The following BMX variants were observed in gnomAD, a reference collection of about 807,000 sequenced individuals.
BMX encodes BMX non-receptor tyrosine kinase, also known as cytoplasmic tyrosine-protein kinase BMX.
Under a neutral mutation model 59.2 loss-of-function variants are expected in BMX, and 31 were observed. The ratio of observed to expected loss-of-function variants is 0.52; its 90% CI spans 0.39 to 0.71. The LOEUF (loss-of-function observed/expected upper bound fraction) is 0.71. BMX is among the 30% of genes least tolerant of loss of function. The pLI, the probability that BMX is intolerant of heterozygous loss-of-function variation, is 0.00. For synonymous variants in BMX, 185 were observed against 181.0 expected (o/e 1.02, Z -0.18); for missense variants, 474 against 491.7 (o/e 0.96, Z 0.34).
intron 10 of BMX, among the ~76,000 whole-genome samples, chrX:15,530,417 A>G (rs188513819): frequency 2.7e-5 from 3 of 111,794 alleles, no homozygotes; most frequent in East Asian, 5.7e-4. Flanking sequence ...TTCTTCCCCA[A>G]GCAGTCTCTC....
chrX:15,509,422 T>G lies in BMX; in HGVS notation c.232T>G (p.Tyr78Asp). The change falls in exon 3 of 19, where the codon TAC becomes GAC. Residue 78 changes from tyrosine to aspartate, a missense_variant. Physicochemically the swap from Tyr to Asp is radical, Grantham distance 160. Transcript: ENST00000348343. ...LEEQTPVERQYPFQIVYKDGL... is the reference protein window; with the variant it reads ...LEEQTPVERQDPFQIVYKDGL... ...GGAGCAGACGCCTGTAGAGAGACAG[T>G]ACCCATTTCAGGTAAAGGGAAGAAC... The G allele has an allele frequency of 8.4e-7, 1 of 1,194,628 alleles. No individual in the cohort carries two copies. Among genetic ancestry groups the G allele is most frequent in the Non-Finnish European group, 1.1e-6 (1 of 883,378 alleles).
At position 15,534,212 on chromosome X, in the gene BMX, T is replaced by G. The variant is rs1601651847; in HGVS notation, c.1020T>G (p.Asn340Lys). Reference sequence around the variant, plus strand: ...GTTCTAACATTCTTTCTGTTACTAGTGATAAAAAAGGAACTGTCAAACATT... The same window carrying G: ...GTTCTAACATTCTTTCTGTTACTAGGGATAAAAAAGGAACTGTCAAACATT... ...YTVSLFSKAV[N>K]DKKGTVKHYH... Residue 340 changes from asparagine (N) to lysine (K), a missense_variant and splice_region_variant, in exon 12 of 19, where the codon AAT becomes AAG. Physicochemically the swap from Asn to Lys is moderately conservative, Grantham distance 94. Coordinates refer to ENST00000348343, the MANE Select transcript of BMX (RefSeq NM_203281.3). The G allele has an allele frequency of 8.7e-7, 1 of 1,153,515 alleles. No homozygotes were observed. The highest frequency in any genetic ancestry group is 1.8e-5 in the African/African-American group (1 of 55,064).
intron 1 of BMX, among the ~76,000 whole-genome samples, chrX:15,505,964 C>T (rs892467947): frequency 9.9e-5 from 11 of 111,179 alleles, no homozygotes; most frequent in African/African-American, 3.3e-4. Context: ...GGGTCTCACT[C>T]TATCGCCCAG....
chrX:15,526,166 A>T (rs1293778473), intron 9 of BMX, 71 bp downstream of exon 9: 6 of 952,864 alleles, frequency 6.3e-6, no homozygotes, highest in Non-Finnish European at 8.8e-6. Flanking sequence ...CCTCAAAGAC[A>T]TTAAAACAGA....
intron 6 of BMX, 103 bp from the exon 7 acceptor site, chrX:15,522,243 C>T: frequency 9.8e-7 from 1 of 1,021,148 alleles, no homozygotes; most frequent in Non-Finnish European, 1.3e-6. Context: ...CCCTTCTCTC[C>T]TTCCTTTCTC....
Position 15,542,759 on chromosome X carries a change from G to A in BMX, c.1612-312G>A, listed in dbSNP as rs189776051. On this transcript the variant is annotated intron_variant, in intron 15 of 18. Transcript: ENST00000348343. ...GCCTTCAAAGCATCTGTGAATGCACGGTATCTGGTGGTGGAAAGGGAGATT... is the reference window on the plus strand; with the variant it reads ...GCCTTCAAAGCATCTGTGAATGCACAGTATCTGGTGGTGGAAAGGGAGATT... 2.7e-5 allele frequency among the ~76,000 whole-genome samples: 3 copies of A among 111,714 alleles called. No homozygotes were observed. In the Admixed American group the frequency reaches 2.9e-4, roughly 11 times the overall value.
chrX:15,550,665 T>TACACACACACACACACAC (rs58905214), intron 18 of BMX, among the ~76,000 whole-genome samples: 1 of 86,755 alleles, frequency 1.2e-5, no homozygotes, highest in African/African-American at 4.3e-5. Flanking sequence ...TCAAAGTCTT[T>TACACACACACACACACAC]ACACACACAC....
In BMX at chrX:15,530,026, A is replaced by G; in HGVS notation, c.938A>G (p.Lys313Arg). The G allele has an allele frequency of 8.3e-7, 1 of 1,205,157 alleles. No individual in the cohort carries two copies. The highest frequency in any genetic ancestry group is 1.1e-6 in the Non-Finnish European group (1 of 890,261). The change falls in exon 10 of 19, where the codon AAG becomes AGG. Residue 313 changes from lysine to arginine, a missense_variant and splice_region_variant. Physicochemically the swap from Lys to Arg is conservative, Grantham distance 26. Transcript: ENST00000348343. ...RSQSEQLLRQ[K>R]GKEGAFMVRN... is the part of the protein sequence containing the mutation. The stretch of plus-strand genomic sequence containing the variant: ...CAATCTGAACAGTTACTCAGACAAA[A>G]GGTAAATAGTCTTGTCTTTAAAACA...
Position 15,556,224 on chromosome X carries a change from A to T in BMX, c.*77A>T. 1.1e-6 allele frequency: 1 copy of T among 937,027 alleles called. No homozygotes were observed. The highest frequency in any genetic ancestry group is 1.5e-6 in the Non-Finnish European group (1 of 678,409). 77.2% of individuals were successfully genotyped at this position (937,027 alleles called of 1,213,427 possible). A position where few individuals can be genotyped will look rare whatever the true frequency, so the allele number is the denominator to read the frequency against. ...TTCATTCATTTTAAGGAAAGTAGCA[A>T]GGCATAATGTAATTTAGCTAGTTTT... On this transcript the variant is annotated 3_prime_UTR_variant, in exon 19 of 19. Coordinates refer to ENST00000348343, the MANE Select transcript of BMX (RefSeq NM_203281.3).
At chrX:15,552,475 G>A (rs1030305598) in intron 18 of BMX, among the ~76,000 whole-genome samples, 1 of 112,350 alleles carries the variant, frequency 8.9e-6, no homozygotes, top group African/African-American at 3.2e-5. Flanking sequence ...GAAGACATAA[G>A]TGTTGTGATT....
chrX:15,534,243 G>A lies in BMX; in HGVS notation c.1051G>A (p.Val351Met), dbSNP rs1013910902. The change falls in exon 12 of 19, where the codon GTG (valine) becomes ATG (methionine). Residue 351 changes from valine (V) to methionine (M), a missense_variant. By Grantham distance (21) the Val-to-Met change is conservative. Transcript: ENST00000348343. ...AAAAGGAACTGTCAAACATTACCAC[G>A]TGCATACAAATGCTGAGAACAAATT... is the stretch of plus-strand genomic sequence containing the variant. ...DKKGTVKHYH[V>M]HTNAENKLYL... 1.7e-5 allele frequency: 20 copies of A among 1,176,782 alleles called. No individual in the cohort carries two copies. Among genetic ancestry groups the A allele is most frequent in the Admixed American group, 2.4e-5 (1 of 42,286 alleles).
Position 15,531,148 on chromosome X carries a change from T to TCATACA in BMX, c.940-163_940-158dup, listed in dbSNP as rs201731366. ...TAAATATTAATTGGAGAGGAAGAGT[T>TCATACA]CATACACATACACATACACATAGAG... On this transcript the variant is annotated intron_variant, in intron 10 of 18. Transcript: ENST00000348343. Among the ~76,000 whole-genome samples, 400 of 109,996 alleles carry TCATACA rather than the reference T, an allele frequency of 3.6e-3. 1 individual carries two copies. Among genetic ancestry groups the TCATACA allele is most frequent in the African/African-American group, 0.013 (383 of 30,136 alleles).
intron 3 of BMX, 148 bp from the exon 4 acceptor site, chrX:15,511,289 A>T: frequency 2.4e-6 from 1 of 415,160 alleles, no homozygotes; most frequent in Non-Finnish European, 4.1e-6. Flanking sequence ...AGGATTTTTT[A>T]AGAAAATTTT....
intron 4 of BMX, among the ~76,000 whole-genome samples, chrX:15,515,069 C>T (rs1924096766): frequency 9.4e-6 from 1 of 106,764 alleles, no homozygotes; most frequent in South Asian, 4.0e-4. Context: ...CCAATCACCG[C>T]ATGTTCTCAC....
At position 15,516,094 on chromosome X, in the gene BMX, T is replaced by G; in HGVS notation, c.326-18T>G. 1 of 1,206,772 alleles carries G rather than the reference T, an allele frequency of 8.3e-7. No individual in the cohort carries two copies. The highest frequency in any genetic ancestry group is 1.1e-6 in the Non-Finnish European group (1 of 891,615). On this transcript the variant is annotated intron_variant, in intron 4 of 18. Coordinates refer to ENST00000348343, the MANE Select transcript of BMX (RefSeq NM_203281.3). The stretch of plus-strand genomic sequence containing the variant: ...CAACGTTTGCTAACGTCTTGTTTTC[T>G]TCCTGTCTGCTCCTCAGAGATAAGG...
intron 12 of BMX, 54 bp downstream of exon 12, chrX:15,534,393 C>T: frequency 9.4e-7 from 1 of 1,061,177 alleles, no homozygotes. Flanking sequence ...CAGCAATTTT[C>T]CTGGATACTA....
intron 1 of BMX, among the ~76,000 whole-genome samples, chrX:15,504,438 C>T (rs141390161): frequency 9.0e-6 from 1 of 111,251 alleles, no homozygotes; most frequent in African/African-American, 3.3e-5. Flanking sequence ...TCTGCCACCC[C>T]ACAGCAATCT....
At chrX:15,545,801 C>G (rs1214077965) in intron 16 of BMX, among the ~76,000 whole-genome samples, 1 of 111,556 alleles carries the variant, frequency 9.0e-6, no homozygotes, top group Non-Finnish European at 1.9e-5. Context: ...GGGATCTCTC[C>G]TGCCCTGCTC....
rs2147118115 is a variant in BMX, at chrX:15,525,336, T to C, written c.801T>C (p.Asn267=). ...DVASSNQKER[N]VNHTTSKISW... ...CAAGCAGTAACCAAAAAGAAAGAAA[T>C]GTGAATCACACCACCTCAAAGATTT... Residue 267 remains asparagine (N), a synonymous_variant, in exon 8 of 19, where the codon AAT becomes AAC. Transcript: ENST00000348343. 1 of 1,209,540 alleles carries C rather than the reference T, an allele frequency of 8.3e-7. No homozygotes were observed. Among genetic ancestry groups the C allele is most frequent in the East Asian group, 3.0e-5 (1 of 33,794 alleles).
Sources: allele counts gnomAD v4.1 joint callset (sites outside exome capture counted in the v4.1 genomes callset), GRCh38; gene constraint gnomAD v4.1.1; transcripts MANE v1.5; gene names NCBI Gene and HGNC (gene_info 2026-07-23, HGNC 2026-07-21).